The following CUX2 variants were observed in gnomAD, a reference collection of about 807,000 sequenced individuals.
The protein encoded by CUX2 is cut like homeobox 2.
In CUX2, 40 loss-of-function variants were observed where a neutral mutation model predicts 144.8. The observed-to-expected ratio is 0.28, with a 90% CI of 0.21 to 0.36. The LOEUF is 0.36. Among genes scored for constraint, CUX2 ranks in the 10% least tolerant of loss-of-function variants. The probability of loss-of-function intolerance (pLI) is 1.00; values close to 1 mark genes in which losing one functional copy is unlikely to be tolerated. For missense variants in CUX2, 1,615 were observed against 1,994.0 expected (o/e 0.81, Z 3.62); for synonymous variants, 827 against 875.6 (o/e 0.94, Z 0.98).
intron 3 of CUX2, among the ~76,000 whole-genome samples, chr12:111,252,898 AAATG>A (rs1024536130): frequency 6.6e-6 from 1 of 151,782 alleles, no homozygotes; most frequent in African/African-American, 2.4e-5. Flanking sequence ...CCCCATCTCT[AAATG>A]AATGAATGAA....
At chr12:111,298,082 C>T (rs1373451131) in intron 8 of CUX2, among the ~76,000 whole-genome samples, 1 of 152,266 alleles carries the variant, frequency 6.6e-6, no homozygotes, top group South Asian at 2.1e-4. Flanking sequence ...CCCACGTGCC[C>T]CCCGCGTCTC....
In CUX2 at chr12:111,186,585, C is replaced by T. The variant is rs1053226176; in HGVS notation, c.64-27615C>T. 8.5e-5 allele frequency among the ~76,000 whole-genome samples: 13 copies of T among 152,188 alleles called. No homozygotes were observed. The highest frequency in any genetic ancestry group is 2.7e-4 in the African/African-American group (11 of 41,448). On this transcript the variant is annotated intron_variant, in intron 1 of 21. Coordinates refer to ENST00000261726, the MANE Select transcript of CUX2 (RefSeq NM_015267.4). The surrounding 1 kb of genome is among the most constrained non-coding windows in gnomAD (Gnocchi z 4.4). Reference sequence around the variant, plus strand: ...GAGAGAGAGAAGGGCGACTCTGTGGCGTGAGGCTCGCAGCTGCACAGAGGC... The same window carrying T: ...GAGAGAGAGAAGGGCGACTCTGTGGTGTGAGGCTCGCAGCTGCACAGAGGC...
rs35677857 is a variant in CUX2 at position 111,159,314 on chromosome 12, GT to G, written c.64-54872del. Among the ~76,000 whole-genome samples the G allele has an allele frequency of 1.3e-3, 158 of 123,844 alleles. 2 individuals carry two copies. Among genetic ancestry groups the G allele is most frequent in the South Asian group, 7.9e-3 (32 of 4,028 alleles). The allele number at this position is 123,844 out of a possible 152,430, so 81.2% of individuals were successfully genotyped here. A position where few individuals can be genotyped will look rare whatever the true frequency, so the allele number is the denominator to read the frequency against. ...CAGGTGTGCGCCACCATGCCCAGCTGTTTTTTTTTTTTTTCCTAGAGAGAGG... is the reference window on the plus strand; with the variant it reads ...CAGGTGTGCGCCACCATGCCCAGCTGTTTTTTTTTTTTTCCTAGAGAGAGG... On this transcript the variant is annotated intron_variant, in intron 1 of 21. Transcript: ENST00000261726.
At chr12:111,329,473 T>C (rs1226091740) in intron 18 of CUX2, among the ~76,000 whole-genome samples, 1 of 152,162 alleles carries the variant, frequency 6.6e-6, no homozygotes, top group Non-Finnish European at 1.5e-5. Context: ...GGCGGGGTTC[T>C]CCCTGGGGGA....
Position 111,132,860 on chromosome 12 carries a change from G to A in CUX2, c.64-81340G>A, listed in dbSNP as rs138596051. ...TGGGATTACAGGCATGAGCCACTAT[G>A]CCTGGCCTGTTTCCCTTTTAAGATG... On this transcript the variant is annotated intron_variant, in intron 1 of 21. Transcript: ENST00000261726. 6.2e-3 allele frequency among the ~76,000 whole-genome samples: 940 copies of A among 152,220 alleles called. 7 individuals carry two copies. The highest frequency in any genetic ancestry group is 0.027 in the South Asian group (128 of 4,824).
At chr12:111,075,110 G>A (rs559228773) in intron 1 of CUX2, among the ~76,000 whole-genome samples, 15 of 113,464 alleles carry the variant, frequency 1.3e-4, no homozygotes, top group African/African-American at 4.1e-4. Context: ...CCACCCAGCC[G>A]CACCCTGAGC....
At chr12:111,055,601 GA>G (rs1247969784) in intron 1 of CUX2, among the ~76,000 whole-genome samples, 2 of 152,250 alleles carry the variant, frequency 1.3e-5, no homozygotes, top group Admixed American at 6.5e-5. Context: ...AGGGGGCGAG[GA>G]GAGAAACCAA....
At chr12:111,243,038 CT>C (rs1374702151) in intron 3 of CUX2, among the ~76,000 whole-genome samples, 4 of 152,140 alleles carry the variant, frequency 2.6e-5, no homozygotes, top group African/African-American at 9.7e-5. Flanking sequence ...TGAACTCATC[CT>C]TTTTTATGGC....
chr12:111,310,301 T>C lies in CUX2; in HGVS notation c.1519T>C (p.Phe507Leu). 6.7e-7 allele frequency: 1 copy of C among 1,492,646 alleles called. No homozygotes were observed. The highest frequency in any genetic ancestry group is 8.9e-7 in the Non-Finnish European group (1 of 1,117,650). 92.5% of individuals were successfully genotyped at this position (1,492,646 alleles called of 1,614,324 possible). The change falls in exon 15 of 22, where the codon TTC (phenylalanine) becomes CTC (leucine). Residue 507 changes from phenylalanine to leucine, a missense_variant. By Grantham distance (22) the Phe-to-Leu change is conservative. Transcript: ENST00000261726. The surrounding 1 kb of genome is among the most constrained non-coding windows in gnomAD (Gnocchi z 7.9). ...GGGAGAGGCGGGCGGCCTGCTGGTGTTCCCCCCAGCCTTCTATGGCGCCAA... is the reference window on the plus strand; with the variant it reads ...GGGAGAGGCGGGCGGCCTGCTGGTGCTCCCCCCAGCCTTCTATGGCGCCAA... Reference protein sequence around the residue: ...FKGEAGGLLVFPPAFYGAKPP... With the variant: ...FKGEAGGLLVLPPAFYGAKPP...
chr12:111,288,098 C>T (rs1340272869), intron 4 of CUX2, among the ~76,000 whole-genome samples: 1 of 151,996 alleles, frequency 6.6e-6, no homozygotes, highest in Admixed American at 6.6e-5. Flanking sequence ...ACAGGTTAGT[C>T]GAGGAGGGCT....
At chr12:111,182,095 G>GT (rs1265395780) in intron 1 of CUX2, among the ~76,000 whole-genome samples, 12 of 152,118 alleles carry the variant, frequency 7.9e-5, no homozygotes, top group Admixed American at 6.5e-4. Context: ...ATGCAAAGAT[G>GT]TTTCAGGGCA....
At position 111,317,859 on chromosome 12, in the gene CUX2, GC is replaced by G. The variant is rs1450251304; in HGVS notation, c.2003-2151del. Reference sequence around the variant, plus strand: ...AAAAATACAAAAAAAAATTAGCCAGGCCTGGTGGCGAGTGCCTGTAATCCCA... The same window carrying G: ...AAAAATACAAAAAAAAATTAGCCAGGCTGGTGGCGAGTGCCTGTAATCCCA... On this transcript the variant is annotated intron_variant, in intron 16 of 21. Coordinates refer to ENST00000261726, the MANE Select transcript of CUX2 (RefSeq NM_015267.4). Among the ~76,000 whole-genome samples the G allele has an allele frequency of 2.0e-5, 3 of 152,086 alleles. No individual in the cohort carries two copies. The East Asian group carries it at 5.8e-4, about 29-fold the overall frequency.
At chr12:111,065,302 T>C (rs1348161456) in intron 1 of CUX2, among the ~76,000 whole-genome samples, 1 of 152,278 alleles carries the variant, frequency 6.6e-6, no homozygotes, top group African/African-American at 2.4e-5. Context: ...CGATGGGATT[T>C]GGCCTACAGG....
chr12:111,223,349 T>C (rs1881951905), intron 3 of CUX2, among the ~76,000 whole-genome samples: 1 of 152,196 alleles, frequency 6.6e-6, no homozygotes, highest in Admixed American at 6.5e-5. Flanking sequence ...ATTTGTTTGC[T>C]GCGCTTCACA....
At chr12:111,079,138 CT>C (rs1871714218) in intron 1 of CUX2, among the ~76,000 whole-genome samples, 1 of 152,210 alleles carries the variant, frequency 6.6e-6, no homozygotes, top group Non-Finnish European at 1.5e-5. Flanking sequence ...CTTTTACAAA[CT>C]GGTGGCCTCA....
At chr12:111,230,559 C>T (rs776731759) in intron 3 of CUX2, among the ~76,000 whole-genome samples, 2 of 152,172 alleles carry the variant, frequency 1.3e-5, no homozygotes, top group Non-Finnish European at 2.9e-5. Context: ...CCTGGCTGCC[C>T]AGTGGAATCC....
chr12:111,288,918 G>A (rs984452224), intron 4 of CUX2, among the ~76,000 whole-genome samples: 3 of 152,040 alleles, frequency 2.0e-5, no homozygotes, highest in Non-Finnish European at 2.9e-5. Context: ...AGCCGAGATC[G>A]TCTCACTGCA....
chr12:111,227,933 T>C (rs1378291140), intron 3 of CUX2, among the ~76,000 whole-genome samples: 2 of 152,084 alleles, frequency 1.3e-5, no homozygotes, highest in Non-Finnish European at 2.9e-5. Context: ...ACACATGGCC[T>C]CATGGGAGAG....
Position 111,310,628 on chromosome 12 carries a change from C to T in CUX2, c.1846C>T (p.Leu616=). Residue 616 remains leucine, a synonymous_variant, in exon 15 of 22, where the codon CTG becomes TTG. Transcript: ENST00000261726. This position sits in a 1 kb window ranked among gnomAD's most constrained non-coding sequence, Gnocchi z 7.9. ...GCCCTTCATCAAGATGAAGCAGTTCCTGTCGGATGAGCAGAATGTACTGGC... is the reference window on the plus strand; with the variant it reads ...GCCCTTCATCAAGATGAAGCAGTTCTTGTCGGATGAGCAGAATGTACTGGC... ...KEPFIKMKQF[L]SDEQNVLALR... The T allele has an allele frequency of 6.2e-7, 1 of 1,609,462 alleles. No individual in the cohort carries two copies. The highest frequency in any genetic ancestry group is 2.2e-5 in the East Asian group (1 of 44,726).
Sources: gnomAD v4.1 joint callset for allele counts (sites outside exome capture counted in the v4.1 genomes callset) on GRCh38, gnomAD v4.1.1 for gene constraint, Gnocchi (gnomAD v3.1) non-coding constraint, MANE v1.5 for transcripts, NCBI Gene and HGNC (gene_info 2026-07-23, HGNC 2026-07-21) for gene names.